The following NEDD9 variants were observed in gnomAD, a reference collection of about 807,000 sequenced individuals.
The protein encoded by NEDD9 is neural precursor cell expressed, developmentally down-regulated 9, also known as enhancer of filamentation 1.
Under a neutral mutation model 76.6 loss-of-function variants are expected in NEDD9, and 26 were observed. That is an observed-to-expected ratio of 0.34 (90% CI 0.25 to 0.47). NEDD9 has a LOEUF of 0.47. NEDD9 is among the 20% of genes least tolerant of loss of function. NEDD9 has a pLI of 1.00. For synonymous variants in NEDD9, 392 were observed against 414.2 expected (o/e 0.95, Z 0.65); for missense variants, 937 against 1,058.5 (o/e 0.89, Z 1.59).
intron 2 of NEDD9, among the ~76,000 whole-genome samples, chr6:11,306,543 A>G (rs988465282): frequency 6.6e-6 from 1 of 152,202 alleles, no homozygotes; most frequent in African/African-American, 2.4e-5. Context: ...TTGTATGGAT[A>G]GTAGAGGTGA....
In NEDD9 at chr6:11,252,564, GA is replaced by G. The variant is rs1033976002; in HGVS notation, c.13-38838del. On this transcript the variant is annotated intron_variant, in intron 3 of 3. Transcript: ENST00000397378. This position sits in a 1 kb window ranked among gnomAD's most constrained non-coding sequence, Gnocchi z 4.3. ...CTTCCATGGTCAAAGAAACCCTGTA[GA>G]GAGCAGAAAGGAGCTGGTAGGAAAT... Among the ~76,000 whole-genome samples, 57 of 152,302 alleles carry G rather than the reference GA, an allele frequency of 3.7e-4. No homozygotes were observed. The highest frequency in any genetic ancestry group is 1.3e-3 in the African/African-American group (56 of 41,568).
Position 11,190,950 on chromosome 6 carries a change from C to T in NEDD9, c.919G>A (p.Gly307Arg), listed in dbSNP as rs139896149. ...TCGTTCTGAGAGCCCACTGACTGTC[C>T]GAGTTGCGGGGGTGGGTGATTCGGG... The part of the protein sequence containing the change: ...LSPNHPPPQL[G>R]QSVGSQNDAY... Residue 307 changes from glycine (G) to arginine (R), a missense_variant, in exon 5 of 7, where the codon GGA becomes AGA. Transcript: ENST00000379446. This position sits in a 1 kb window ranked among gnomAD's most constrained non-coding sequence, Gnocchi z 5.8. 1.3e-5 allele frequency: 21 copies of T among 1,613,900 alleles called. No individual in the cohort carries two copies. Among genetic ancestry groups the T allele is most frequent in the East Asian group, 4.5e-5 (2 of 44,872 alleles).
intron 1 of NEDD9, 95 bp downstream of exon 1, chr6:11,232,409 C>G (rs1256310871): frequency 6.7e-7 from 1 of 1,484,516 alleles, no homozygotes; most frequent in Non-Finnish European, 9.4e-7. Context: ...CCGGGACACA[C>G]AAGGGACTGA....
intron 3 of NEDD9, among the ~76,000 whole-genome samples, chr6:11,296,807 C>A (rs1760906810): frequency 1.3e-5 from 2 of 152,084 alleles, no homozygotes; most frequent in Admixed American, 1.3e-4. Context: ...GAGCTCACTG[C>A]AACCTTCACC....
At chr6:11,369,777 C>A (rs980862011) in intron 1 of NEDD9, among the ~76,000 whole-genome samples, 6 of 152,174 alleles carry the variant, frequency 3.9e-5, no homozygotes, top group Non-Finnish European at 5.9e-5. Flanking sequence ...CTTTTCATAT[C>A]TTTGTGTATA....
rs377061547 is a variant in NEDD9 at position 11,188,215 on chromosome 6, T to C, written c.1995+3A>G. 2 of 1,613,598 alleles carry C rather than the reference T, an allele frequency of 1.2e-6. No homozygotes were observed. ...AAGCAGTTTTTGCTCTGATTGAACT[T>C]ACCTGATGATGTTCCAGCTGCATCT... On this transcript the variant is annotated splice_donor_region_variant and intron_variant, in intron 6 of 6. Transcript: ENST00000379446.
intron 1 of NEDD9, among the ~76,000 whole-genome samples, chr6:11,336,338 G>T (rs1351562262): frequency 6.6e-6 from 1 of 152,192 alleles, no homozygotes; most frequent in Non-Finnish European, 1.5e-5. Context: ...AAACCCAGAT[G>T]GTAGAGCCTA....
intron 2 of NEDD9, among the ~76,000 whole-genome samples, chr6:11,195,607 G>A (rs1045836160): frequency 6.6e-6 from 1 of 152,210 alleles, no homozygotes; most frequent in African/African-American, 2.4e-5. Context: ...AAGTTTCCAA[G>A]AGTGGATTTT....
At chr6:11,201,007 T>C (rs1321923150) in intron 2 of NEDD9, 1 of 1,614,138 alleles carries the variant, frequency 6.2e-7, no homozygotes, top group Non-Finnish European at 8.5e-7. Context: ...TTAGAGGCTC[T>C]CACTAAGAAA....
intron 1 of NEDD9, among the ~76,000 whole-genome samples, chr6:11,358,993 A>G (rs1326771149): frequency 6.6e-6 from 1 of 152,246 alleles, no homozygotes; most frequent in Non-Finnish European, 1.5e-5. Flanking sequence ...GTGGTGAGTC[A>G]GGAACAAATA....
At chr6:11,288,077 A>G (rs1419056356) in intron 3 of NEDD9, among the ~76,000 whole-genome samples, 2 of 152,144 alleles carry the variant, frequency 1.3e-5, no homozygotes, top group African/African-American at 4.8e-5. Context: ...TGATATGGCA[A>G]TTGTTTGGTC....
At position 11,221,567 on chromosome 6, in the gene NEDD9, C is replaced by T. The variant is rs531291233; in HGVS notation, c.13-7840G>A. The stretch of plus-strand genomic sequence containing the variant: ...TACAGCCCAGAGGGTCTCAGATTAG[C>T]GGCAGAGCCAGAGCTAGCATCTGGT... On this transcript the variant is annotated intron_variant, in intron 1 of 6. Coordinates refer to ENST00000379446, the MANE Select transcript of NEDD9 (RefSeq NM_006403.4). Among the ~76,000 whole-genome samples, 6 of 152,150 alleles carry T rather than the reference C, an allele frequency of 3.9e-5. No homozygotes were observed. In the South Asian group the frequency reaches 6.2e-4, roughly 16 times the overall value.
intron 3 of NEDD9, among the ~76,000 whole-genome samples, chr6:11,295,889 C>G (rs1404053507): frequency 2.0e-5 from 3 of 152,186 alleles, no homozygotes; most frequent in Admixed American, 6.5e-5. Context: ...ACATTACACC[C>G]ACGTTAGGTG....
At chr6:11,218,873 G>A (rs192652475) in intron 1 of NEDD9, among the ~76,000 whole-genome samples, 157 of 152,272 alleles carry the variant, frequency 1.0e-3, no homozygotes, top group Non-Finnish European at 1.7e-3. Flanking sequence ...GACGCAGATC[G>A]GGAGCCTGAC....
chr6:11,274,328 C>T (rs559278397), intron 3 of NEDD9, among the ~76,000 whole-genome samples: 2 of 152,232 alleles, frequency 1.3e-5, no homozygotes, highest in East Asian at 3.9e-4. Flanking sequence ...CAGATTCTTC[C>T]CTGGACCTGG....
At chr6:11,336,068 C>T (rs1056012099) in intron 1 of NEDD9, among the ~76,000 whole-genome samples, 2 of 152,198 alleles carry the variant, frequency 1.3e-5, no homozygotes, top group Non-Finnish European at 2.9e-5. Context: ...TCCCTTTTCC[C>T]TAGTCACCTC....
At chr6:11,291,538 T>G (rs1411211581) in intron 3 of NEDD9, among the ~76,000 whole-genome samples, 2 of 152,064 alleles carry the variant, frequency 1.3e-5, no homozygotes, top group Non-Finnish European at 1.5e-5. Context: ...GCTCCCAAAG[T>G]GCTGGGATTA....
At chr6:11,260,817 T>C (rs1760094393) in intron 3 of NEDD9, among the ~76,000 whole-genome samples, 1 of 152,202 alleles carries the variant, frequency 6.6e-6, no homozygotes, top group Non-Finnish European at 1.5e-5. Context: ...TCTTCACACC[T>C]ACTATTAACC....
chr6:11,256,804 GCC>G (rs1760013197), intron 3 of NEDD9, among the ~76,000 whole-genome samples: 1 of 152,184 alleles, frequency 6.6e-6, no homozygotes, highest in African/African-American at 2.4e-5. Context: ...ATTCAATAGA[GCC>G]TTTGCAGTAG....
Sources: allele counts gnomAD v4.1 joint callset (sites outside exome capture counted in the v4.1 genomes callset), GRCh38; gene constraint gnomAD v4.1.1; non-coding constraint Gnocchi (gnomAD v3.1); transcripts MANE v1.5; gene names NCBI Gene and HGNC (gene_info 2026-07-23, HGNC 2026-07-21).